XKR4: variants seen among roughly 807,000 people sequenced by gnomAD.
XKR4 encodes the protein XK-related protein 4.
Under a neutral mutation model 53.9 loss-of-function variants are expected in XKR4, and 12 were observed. The ratio of observed to expected loss-of-function variants is 0.22; its 90% CI spans 0.14 to 0.36. The LOEUF (loss-of-function observed/expected upper bound fraction) is 0.36, where lower values mean the gene tolerates loss of function less well. Among genes scored for constraint, XKR4 ranks in the 10% least tolerant of loss-of-function variants. XKR4 has a pLI of 1.00. For synonymous variants in XKR4, 354 were observed against 362.4 expected, an observed-to-expected ratio of 0.98 and a Z score of 0.26; for missense variants, 799 against 859.5, an observed-to-expected ratio of 0.93 and a Z score of 0.88.
At chr8:55,418,257 G>A (rs1016261041) in intron 2 of XKR4, among the ~76,000 whole-genome samples, 1 of 152,078 alleles carries the variant, frequency 6.6e-6, no homozygotes, top group African/African-American at 2.4e-5. Context: ...TCCCTGAGAG[G>A]GCATTCAGCT....
intron 1 of XKR4, among the ~76,000 whole-genome samples, chr8:55,303,908 C>G (rs1386056225): frequency 1.3e-5 from 2 of 152,146 alleles, no homozygotes; most frequent in East Asian, 3.9e-4. Flanking sequence ...CTTAGTCTTG[C>G]TAGTGGTCTA....
At chr8:55,422,681 C>T (rs1804951966) in intron 2 of XKR4, among the ~76,000 whole-genome samples, 1 of 152,144 alleles carries the variant, frequency 6.6e-6, no homozygotes, top group African/African-American at 2.4e-5. Context: ...TTATTAACGC[C>T]TCAGACTTTG....
rs1803292585 is a variant in XKR4 at position 55,326,361 on chromosome 8, T to G, written c.807-31317T>G. Among the ~76,000 whole-genome samples the G allele has an allele frequency of 2.6e-5, 4 of 152,124 alleles. No homozygotes were observed. The South Asian group carries it at 6.2e-4, about 24-fold the overall frequency. ...CAGTGTTGTTGTTTTATCTTGCAGATGAAGAGTTTCAAAGTGCTTATGTGA... is the reference window on the plus strand; with the variant it reads ...CAGTGTTGTTGTTTTATCTTGCAGAGGAAGAGTTTCAAAGTGCTTATGTGA... On this transcript the variant is annotated intron_variant, in intron 1 of 2. Transcript: ENST00000327381.
At chr8:55,426,869 CTCAA>C (rs1217716462) in intron 2 of XKR4, among the ~76,000 whole-genome samples, 2 of 152,160 alleles carry the variant, frequency 1.3e-5, no homozygotes, top group Non-Finnish European at 2.9e-5. Flanking sequence ...AATAGTGTTC[CTCAA>C]TCAGAGAGAT....
At chr8:55,295,070 CG>C (rs1801950576) in intron 1 of XKR4, among the ~76,000 whole-genome samples, 1 of 152,092 alleles carries the variant, frequency 6.6e-6, no homozygotes, top group Admixed American at 6.6e-5. Flanking sequence ...TACAAAAATA[CG>C]CATTTTATTA....
chr8:55,437,880 A>G (rs1482025172), intron 2 of XKR4, among the ~76,000 whole-genome samples: 1 of 152,156 alleles, frequency 6.6e-6, no homozygotes, highest in African/African-American at 2.4e-5. Context: ...TAAAGAAACT[A>G]GGGAATTGGG....
In XKR4 at chr8:55,151,250, CT is replaced by C. The variant is rs550928749; in HGVS notation, c.806+47957del. 2.5e-4 allele frequency among the ~76,000 whole-genome samples: 38 copies of C among 152,272 alleles called. No individual in the cohort carries two copies. The South Asian group carries it at 7.7e-3, about 31-fold the overall frequency. On this transcript the variant is annotated intron_variant, in intron 1 of 2. Transcript: ENST00000327381. ...TAGAATTTATACTTTCATTTCTGGC[CT>C]GCCAAGCAAACTTCACAGGACATTA...
chr8:55,395,133 G>A (rs936887273), intron 2 of XKR4, among the ~76,000 whole-genome samples: 1 of 152,082 alleles, frequency 6.6e-6, no homozygotes, highest in Admixed American at 6.5e-5. Context: ...TCCACCTCAG[G>A]GAGGTAGCGA....
chr8:55,213,856 CTTTTTTTTTT>C (rs11433893), intron 1 of XKR4, among the ~76,000 whole-genome samples: 2 of 82,346 alleles, frequency 2.4e-5, no homozygotes, highest in African/African-American at 5.0e-5. Context: ...TTCTTTCTTT[CTTTTTTTTTT>C]TTTTTTTTTT....
At chr8:55,399,724 GGA>G (rs1804571574) in intron 2 of XKR4, among the ~76,000 whole-genome samples, 2 of 152,222 alleles carry the variant, frequency 1.3e-5, no homozygotes, top group Non-Finnish European at 2.9e-5. Flanking sequence ...ATAATGGCAA[GGA>G]ACAGACCGAA....
In XKR4 at chr8:55,535,894, A is replaced by T. The variant is rs1213788644; in HGVS notation, c.*11667A>T. ...CCCCCTGTGATAGTTCTCCTTGACC[A>T]CTGGTCCCTATGGGCTCTGCAGGAG... On this transcript the variant is annotated 3_prime_UTR_variant, in exon 3 of 3. Coordinates refer to ENST00000327381, the MANE Select transcript of XKR4 (RefSeq NM_052898.2). 6.6e-6 allele frequency: 1 copy of T among 152,208 alleles called. No homozygotes were observed. The highest frequency in any genetic ancestry group is 1.5e-5 in the Non-Finnish European group (1 of 68,026). 9.4% of individuals were successfully genotyped at this position (152,208 alleles called of 1,614,324 possible). A position where few individuals can be genotyped will look rare whatever the true frequency, so the allele number is the denominator to read the frequency against.
At chr8:55,308,762 C>T (rs118027822) in intron 1 of XKR4, among the ~76,000 whole-genome samples, 1,816 of 152,286 alleles carry the variant, frequency 0.012, 18 homozygotes, top group Non-Finnish European at 0.018. Flanking sequence ...CCCAGACATC[C>T]TTCAACAGGT....
intron 1 of XKR4, among the ~76,000 whole-genome samples, chr8:55,205,787 G>C (rs569896257): frequency 2.0e-5 from 3 of 152,310 alleles, no homozygotes; most frequent in Admixed American, 2.0e-4. Flanking sequence ...GTCTTACTGT[G>C]TCCGGAATTG....
intron 2 of XKR4, among the ~76,000 whole-genome samples, chr8:55,478,316 G>T (rs1274801136): frequency 6.6e-6 from 1 of 151,966 alleles, no homozygotes; most frequent in Non-Finnish European, 1.5e-5. Flanking sequence ...ATAAGTGAAG[G>T]AGAAATAAAA....
intron 2 of XKR4, among the ~76,000 whole-genome samples, chr8:55,455,316 C>G (rs893558388): frequency 1.3e-5 from 2 of 151,854 alleles, no homozygotes; most frequent in Non-Finnish European, 2.9e-5. Flanking sequence ...AGCCAGCTGG[C>G]CCGCCTGGCT....
At chr8:55,461,404 G>A (rs1334843119) in intron 2 of XKR4, among the ~76,000 whole-genome samples, 1 of 152,238 alleles carries the variant, frequency 6.6e-6, no homozygotes, top group Non-Finnish European at 1.5e-5. Context: ...CAGACCTGCA[G>A]CTGAGGGTCC....
intron 1 of XKR4, among the ~76,000 whole-genome samples, chr8:55,118,247 A>T (rs1281707429): frequency 1.3e-5 from 2 of 152,194 alleles, no homozygotes; most frequent in Non-Finnish European, 2.9e-5. Flanking sequence ...TTCCATTGGG[A>T]AATGCGTAGT....
intron 1 of XKR4, among the ~76,000 whole-genome samples, chr8:55,252,150 T>C (rs927762702): frequency 3.3e-5 from 5 of 152,376 alleles, no homozygotes; most frequent in African/African-American, 1.2e-4. Flanking sequence ...AGAAAACTTC[T>C]CTAACCAGAT....
intron 2 of XKR4, among the ~76,000 whole-genome samples, chr8:55,386,170 T>C (rs533869830): frequency 1.3e-5 from 2 of 152,220 alleles, no homozygotes; most frequent in South Asian, 4.1e-4. Context: ...ATCCATGATG[T>C]TTCATTTAGT....
Sources: gnomAD v4.1 joint callset for allele counts (sites outside exome capture counted in the v4.1 genomes callset) on GRCh38, gnomAD v4.1.1 for gene constraint, MANE v1.5 for transcripts, NCBI Gene and HGNC (gene_info 2026-07-23, HGNC 2026-07-21) for gene names.